GPHN: variants seen among roughly 807,000 people sequenced by gnomAD.
The protein encoded by GPHN is gephyrin.
A neutral mutation model predicts 95.5 loss-of-function variants in GPHN; 17 were observed. The ratio of observed to expected loss-of-function variants is 0.18; its 90% CI spans 0.12 to 0.27. GPHN has a LOEUF of 0.27. Among genes scored for constraint, GPHN ranks in the 10% least tolerant of loss-of-function variants. The pLI is 1.00. For synonymous variants in GPHN, 320 were observed against 322.5 expected (o/e 0.99, Z 0.08); for missense variants, 660 against 978.1 (o/e 0.67, Z 4.34).
chr14:67,279,521 T>C, the GPHN span: 2 of 1,536,032 alleles, frequency 1.3e-6, no homozygotes, highest in Non-Finnish European at 1.7e-6. Flanking sequence ...GTCCTCATTA[T>C]GCTGTGAAAA....
the GPHN span, among the ~76,000 whole-genome samples, chr14:67,704,200 G>A: frequency 6.6e-6 from 1 of 152,204 alleles, no homozygotes; most frequent in Admixed American, 6.5e-5. Flanking sequence ...AGGTGTATGG[G>A]AGCCAGGAGA....
chr14:66,725,351 A>C (rs2071130037), intron 2 of GPHN, among the ~76,000 whole-genome samples: 1 of 152,142 alleles, frequency 6.6e-6, no homozygotes, highest in African/African-American at 2.4e-5. Flanking sequence ...ATAGGTCTTT[A>C]TTTAGTTCTA....
intron 13 of GPHN, among the ~76,000 whole-genome samples, chr14:67,105,536 G>A (rs964039734): frequency 4.6e-5 from 7 of 152,012 alleles, no homozygotes; most frequent in East Asian, 1.9e-4. Context: ...ATATGTTTGC[G>A]ATTATTGTAT....
intron 4 of GPHN, among the ~76,000 whole-genome samples, chr14:66,848,802 T>C (rs2062449727): frequency 6.6e-6 from 1 of 151,746 alleles, no homozygotes; most frequent in African/African-American, 2.4e-5. Flanking sequence ...TTGGGGAAAA[T>C]ATAGCAAAGC....
At chr14:67,159,180 C>A (rs891801320) in intron 18 of GPHN, among the ~76,000 whole-genome samples, 32 of 152,142 alleles carry the variant, frequency 2.1e-4, no homozygotes, top group African/African-American at 6.7e-4. Context: ...AAGGCTGTAT[C>A]CCCCTACACA....
chr14:67,227,825 A>G, the GPHN span: 1 of 152,212 alleles, frequency 6.6e-6, no homozygotes, highest in Non-Finnish European at 1.5e-5. Context: ...TCCTGAATGG[A>G]CAGGTTTTTC....
At chr14:67,690,945 G>T in the GPHN span, 1 of 582,426 alleles carries the variant, frequency 1.7e-6, no homozygotes, top group South Asian at 2.3e-5. Context: ...CTAAATCACA[G>T]ATTAAAAAGC....
In GPHN at chr14:66,738,425, T is replaced by C. The variant is rs75801641; in HGVS notation, c.144-38039T>C. On this transcript the variant is annotated intron_variant, in intron 2 of 22. Coordinates refer to ENST00000478722, the MANE Select transcript of GPHN (RefSeq NM_020806.5). The stretch of plus-strand genomic sequence containing the variant: ...TGTTAAGCTACAAATATTTATCCTT[T>C]TGAGCCATCTGTACTGCTAAATACC... Among the ~76,000 whole-genome samples the C allele has an allele frequency of 3.7e-3, 556 of 152,312 alleles. 12 individuals carry two copies. The highest frequency in any genetic ancestry group is 0.013 in the African/African-American group (529 of 41,568).
chr14:66,886,509 A>AT (rs2064199512), intron 5 of GPHN, among the ~76,000 whole-genome samples: 1 of 152,072 alleles, frequency 6.6e-6, no homozygotes, highest in Non-Finnish European at 1.5e-5. Context: ...TGAATTATGG[A>AT]TGAAAAACAT....
chr14:66,553,069 T>C lies in GPHN; in HGVS notation c.64+44478T>C, dbSNP rs111382778. Among the ~76,000 whole-genome samples, 45 of 150,536 alleles carry C rather than the reference T, an allele frequency of 3.0e-4. 2 individuals carry two copies. Among genetic ancestry groups the C allele is most frequent in the African/African-American group, 1.1e-3 (43 of 40,392 alleles). On this transcript the variant is annotated intron_variant, in intron 1 of 22. Transcript: ENST00000478722. ...GCAGTGGCACGATCTTGGCTCACTG[T>C]AACCTCCGCCTCCCAGGTTCAAGCG...
chr14:67,383,657 G>A, the GPHN span: 5 of 527,884 alleles, frequency 9.5e-6, no homozygotes, highest in African/African-American at 1.9e-5. Flanking sequence ...TTTTAAGGGA[G>A]TGGCCTCATT....
At chr14:67,268,736 C>T in the GPHN span, among the ~76,000 whole-genome samples, 43 of 152,254 alleles carry the variant, frequency 2.8e-4, no homozygotes, top group East Asian at 4.1e-3. Context: ...GCTTCTTTAC[C>T]CCAACCTGTT....
At chr14:67,419,251 G>A in the GPHN span, among the ~76,000 whole-genome samples, 4 of 152,112 alleles carry the variant, frequency 2.6e-5, no homozygotes, top group Non-Finnish European at 4.4e-5. Context: ...CCTTGGCCTA[G>A]GGATGTCTGA....
At chr14:67,373,027 T>A in the GPHN span, among the ~76,000 whole-genome samples, 1 of 152,212 alleles carries the variant, frequency 6.6e-6, no homozygotes, top group African/African-American at 2.4e-5. Context: ...ATCAATAGAT[T>A]GACTTTTTAA....
intron 1 of GPHN, among the ~76,000 whole-genome samples, chr14:66,633,731 G>T (rs1433217954): frequency 6.6e-6 from 1 of 152,098 alleles, no homozygotes; most frequent in South Asian, 2.1e-4. Flanking sequence ...GGATTGTATG[G>T]TAAGTTAAAC....
the GPHN span, chr14:67,727,135 C>T: frequency 6.2e-7 from 1 of 1,614,132 alleles, no homozygotes; most frequent in Non-Finnish European, 8.5e-7. Context: ...TTGCCTATTG[C>T]CACAGCAAGC....
At chr14:67,336,596 A>G in the GPHN span, 1 of 394,590 alleles carries the variant, frequency 2.5e-6, no homozygotes, top group Non-Finnish European at 5.1e-6. Context: ...CCTCCTAGAA[A>G]GGCAGTACGT....
At position 67,116,311 on chromosome 14, in the gene GPHN, G is replaced by GA. The variant is rs1420300474; in HGVS notation, c.1626+3145dup. Among the ~76,000 whole-genome samples the GA allele has an allele frequency of 2.7e-5, 4 of 146,350 alleles. No individual in the cohort carries two copies. The East Asian group carries it at 8.7e-4, about 32-fold the overall frequency. On this transcript the variant is annotated intron_variant, in intron 16 of 22. Transcript: ENST00000478722. ...AAGAAAAGAAAAAGAAAGAAAGAAA[G>GA]AAAAAGAAAGAAAGAAACAGAAGGA...
chr14:66,746,977 A>C (rs1275234835), intron 2 of GPHN, among the ~76,000 whole-genome samples: 3 of 152,160 alleles, frequency 2.0e-5, no homozygotes, highest in Non-Finnish European at 4.4e-5. Flanking sequence ...AGGGGGAAAC[A>C]AAATAACCTG....
Sources: gnomAD v4.1 joint callset for allele counts (sites outside exome capture counted in the v4.1 genomes callset) on GRCh38, gnomAD v4.1.1 for gene constraint, MANE v1.5 for transcripts, NCBI Gene and HGNC (gene_info 2026-07-23, HGNC 2026-07-21) for gene names.